Variants in GRM7 observed in about 807,000 individuals in gnomAD.
The protein encoded by GRM7 is metabotropic glutamate receptor 7.
In GRM7, 35 loss-of-function variants were observed where a neutral mutation model predicts 84.5. That is an observed-to-expected ratio of 0.41 (90% CI 0.32 to 0.55). GRM7 has a LOEUF of 0.55. Among genes scored for constraint, GRM7 ranks in the 20% least tolerant of loss-of-function variants. GRM7 has a pLI of 0.19. For missense variants in GRM7, 1,003 were observed against 1,194.6 expected (o/e 0.84, Z 2.36); for synonymous variants, 487 against 455.1 (o/e 1.07, Z -0.89).
intron 8 of GRM7, among the ~76,000 whole-genome samples, chr3:7,659,828 G>T (rs1699357993): frequency 6.6e-6 from 1 of 151,968 alleles, no homozygotes; most frequent in East Asian, 1.9e-4. Flanking sequence ...TCTCTTGGGA[G>T]CTCATCCCAC....
intron 9 of GRM7, chr3:7,694,377 G>T: frequency 1.6e-5 from 15 of 918,626 alleles, no homozygotes; most frequent in Non-Finnish European, 2.0e-5. Context: ...GGATTTTGGA[G>T]ATTCCCATCT....
intron 1 of GRM7, among the ~76,000 whole-genome samples, chr3:7,082,425 C>A (rs1319005931): frequency 6.6e-6 from 1 of 152,082 alleles, no homozygotes; most frequent in Non-Finnish European, 1.5e-5. Context: ...AGATTACTTT[C>A]AAGACATTAT....
chr3:7,105,359 A>G (rs1699254701), intron 1 of GRM7, among the ~76,000 whole-genome samples: 1 of 151,934 alleles, frequency 6.6e-6, no homozygotes, highest in Non-Finnish European at 1.5e-5. Flanking sequence ...ATCCAGCTGC[A>G]AAGTTGCAAG....
At chr3:7,112,033 A>G (rs985711359) in intron 1 of GRM7, among the ~76,000 whole-genome samples, 1 of 152,112 alleles carries the variant, frequency 6.6e-6, no homozygotes, top group Non-Finnish European at 1.5e-5. Context: ...TTGGAATTTA[A>G]GTTGGCAGAA....
chr3:7,590,372 T>C (rs914878519), intron 8 of GRM7, among the ~76,000 whole-genome samples: 6 of 152,176 alleles, frequency 3.9e-5, no homozygotes, highest in Admixed American at 6.5e-5. Context: ...ATAAATAAGG[T>C]TAATTGGAAC....
At chr3:7,472,752 C>A (rs1413234374) in intron 7 of GRM7, among the ~76,000 whole-genome samples, 2 of 152,180 alleles carry the variant, frequency 1.3e-5, no homozygotes, top group African/African-American at 4.8e-5. Context: ...TCTTCCTGAT[C>A]CCACCTTATG....
At chr3:7,357,247 T>C (rs1048106143) in intron 4 of GRM7, among the ~76,000 whole-genome samples, 1 of 151,830 alleles carries the variant, frequency 6.6e-6, no homozygotes, top group East Asian at 1.9e-4. Context: ...AACAAAAAAG[T>C]ATTTTTTTTG....
chr3:7,159,256 A>G (rs938832716), intron 2 of GRM7, among the ~76,000 whole-genome samples: 6 of 152,192 alleles, frequency 3.9e-5, no homozygotes, highest in Non-Finnish European at 8.8e-5. Flanking sequence ...AGATCTGTTA[A>G]CGTGAAATAC....
At chr3:6,971,800 G>C (rs1172139161) in intron 1 of GRM7, among the ~76,000 whole-genome samples, 1 of 152,092 alleles carries the variant, frequency 6.6e-6, no homozygotes. Context: ...GATGGAGAAA[G>C]TCACATTGAA....
chr3:7,490,320 T>C (rs1699474580), intron 7 of GRM7, among the ~76,000 whole-genome samples: 1 of 152,096 alleles, frequency 6.6e-6, no homozygotes, highest in Non-Finnish European at 1.5e-5. Context: ...TAGGGCAAAA[T>C]ATGAGCTACA....
intron 1 of GRM7, among the ~76,000 whole-genome samples, chr3:7,001,521 G>A (rs895477481): frequency 2.0e-5 from 3 of 152,140 alleles, no homozygotes; most frequent in African/African-American, 4.8e-5. Context: ...ACACCTATTT[G>A]TAAACTGGCA....
At chr3:6,890,142 G>C (rs1008237327) in intron 1 of GRM7, among the ~76,000 whole-genome samples, 10 of 151,362 alleles carry the variant, frequency 6.6e-5, no homozygotes, top group African/African-American at 1.5e-4. Context: ...ATTAGTCTTG[G>C]TAGCGGTCTA....
At chr3:6,956,696 G>T (rs1040824032) in intron 1 of GRM7, 20 of 451,264 alleles carry the variant, frequency 4.4e-5, no homozygotes, top group Admixed American at 3.6e-4. Context: ...AACTCCAAAC[G>T]CCTGAAAAAA....
At chr3:7,341,201 G>A (rs1367673800) in intron 4 of GRM7, among the ~76,000 whole-genome samples, 1 of 152,114 alleles carries the variant, frequency 6.6e-6, no homozygotes, top group African/African-American at 2.4e-5. Flanking sequence ...AACTGATGCT[G>A]TGGAAAAGAA....
chr3:6,930,993 C>T (rs1697478930), intron 1 of GRM7, among the ~76,000 whole-genome samples: 2 of 152,212 alleles, frequency 1.3e-5, no homozygotes. Context: ...TTCCCACTGT[C>T]ATTACCTCCA....
intron 4 of GRM7, among the ~76,000 whole-genome samples, chr3:7,336,963 A>G (rs536204142): frequency 2.6e-5 from 4 of 152,298 alleles, no homozygotes; most frequent in African/African-American, 7.2e-5. Context: ...GAAAATGACC[A>G]TACTGCCAAA....
intron 9 of GRM7, chr3:7,681,301 G>T (rs895499888): frequency 1.3e-5 from 2 of 152,188 alleles, no homozygotes; most frequent in Non-Finnish European, 2.9e-5. Context: ...TGATCTTGGT[G>T]TCAAATGCTT....
rs115032971 is a variant in GRM7 at position 7,363,081 on chromosome 3, A to G, written c.1034-51942A>G. ...AGGATGCAGTGAGCTATATGATCAC[A>G]CCACTGCACTTCAACCTGGGCTATA... On this transcript the variant is annotated intron_variant, in intron 4 of 9. Coordinates refer to ENST00000357716, the MANE Select transcript of GRM7 (RefSeq NM_000844.4). Among the ~76,000 whole-genome samples the G allele has an allele frequency of 6.1e-3, 929 of 152,214 alleles. 6 individuals are homozygous for G. Among genetic ancestry groups the G allele is most frequent in the African/African-American group, 0.021 (877 of 41,556 alleles).
At chr3:6,950,664 C>T (rs769556872) in intron 1 of GRM7, among the ~76,000 whole-genome samples, 17 of 152,208 alleles carry the variant, frequency 1.1e-4, no homozygotes, top group East Asian at 1.9e-4. Flanking sequence ...GTGGAGCCTA[C>T]AGAGGCAGGC....
Sources: allele counts gnomAD v4.1 joint callset (sites outside exome capture counted in the v4.1 genomes callset), GRCh38; gene constraint gnomAD v4.1.1; transcripts MANE v1.5; gene names NCBI Gene and HGNC (gene_info 2026-07-23, HGNC 2026-07-21).